ZNF704: variants seen among roughly 807,000 people sequenced by gnomAD.
The protein encoded by ZNF704 is zinc finger protein 704, also known as glucocorticoid induced gene 1.
In ZNF704, 10 loss-of-function variants were observed where a neutral mutation model predicts 44.7. The ratio of observed to expected loss-of-function variants is 0.22; its 90% CI spans 0.14 to 0.38. The LOEUF is 0.38. Ranked by LOEUF, ZNF704 falls within the 10% of genes least tolerant of loss-of-function variation. ZNF704 has a pLI of 1.00. For missense variants in ZNF704, 390 were observed against 545.5 expected, an observed-to-expected ratio of 0.71 and a Z score of 2.84; for synonymous variants, 211 against 207.6, an observed-to-expected ratio of 1.02 and a Z score of -0.14.
rs1008285678 is a variant in ZNF704, at chr8:80,747,740, C to T, written c.222-54633G>A. Among the ~76,000 whole-genome samples, 4 of 152,196 alleles carry T rather than the reference C, an allele frequency of 2.6e-5. No homozygotes were observed. In the South Asian group the frequency reaches 6.2e-4, roughly 24 times the overall value. ...TTTTTGTTTGTTTGTTTTTTTGAGA[C>T]GGAGTCTCGCTCGGTCGCCAGGCTG... On this transcript the variant is annotated intron_variant, in intron 2 of 8. Coordinates refer to ENST00000327835, the MANE Select transcript of ZNF704 (RefSeq NM_001033723.3).
rs577432069 is a variant in ZNF704, at chr8:80,699,483, ATT to A, written c.222-6378_222-6377del. On this transcript the variant is annotated intron_variant, in intron 2 of 8. Coordinates refer to ENST00000327835, the MANE Select transcript of ZNF704 (RefSeq NM_001033723.3). ...TGGCCTGGATCGAACAAGATGGAAA[ATT>A]AGAGTGAATACATCATAATACATAA... 1.8e-3 allele frequency among the ~76,000 whole-genome samples: 272 copies of A among 152,352 alleles called. 1 individual carries two copies. The highest frequency in any genetic ancestry group is 6.3e-3 in the African/African-American group (263 of 41,588).
intron 1 of ZNF704, among the ~76,000 whole-genome samples, chr8:80,864,499 C>T (rs1396276713): frequency 6.6e-6 from 1 of 152,076 alleles, no homozygotes; most frequent in Non-Finnish European, 1.5e-5. Flanking sequence ...TTCCAATTTC[C>T]TCTTTGTTTG....
chr8:80,772,460 C>A lies in ZNF704; in HGVS notation c.221+48914G>T, dbSNP rs529631835. ...GGTCTCAGGAAACTTACAATCATGG[C>A]GAAAGGGGAAGGGGAAGCAGGCACA... On this transcript the variant is annotated intron_variant, in intron 2 of 8. Coordinates refer to ENST00000327835, the MANE Select transcript of ZNF704 (RefSeq NM_001033723.3). Among the ~76,000 whole-genome samples, 2 of 151,814 alleles carry A rather than the reference C, an allele frequency of 1.3e-5. 1 individual carries two copies. The highest frequency in any genetic ancestry group is 4.2e-4 in the South Asian group (2 of 4,796).
At chr8:80,746,795 A>G (rs918564132) in intron 2 of ZNF704, among the ~76,000 whole-genome samples, 1 of 152,172 alleles carries the variant, frequency 6.6e-6, no homozygotes, top group Admixed American at 6.5e-5. Flanking sequence ...TGAGTCAAAG[A>G]AGGCTTCTTG....
At chr8:80,710,314 G>C (rs1425022517) in intron 2 of ZNF704, among the ~76,000 whole-genome samples, 1 of 152,108 alleles carries the variant, frequency 6.6e-6, no homozygotes, top group Non-Finnish European at 1.5e-5. Context: ...GTCAGCCACT[G>C]TTCAGCCTGT....
chr8:80,870,491 A>C (rs1221348197), intron 1 of ZNF704, among the ~76,000 whole-genome samples: 1 of 152,218 alleles, frequency 6.6e-6, no homozygotes, highest in African/African-American at 2.4e-5. Flanking sequence ...TATCTAATCC[A>C]AATGAACATC....
intron 2 of ZNF704, among the ~76,000 whole-genome samples, chr8:80,703,178 C>T (rs1033409982): frequency 6.6e-6 from 1 of 152,076 alleles, no homozygotes; most frequent in Non-Finnish European, 1.5e-5. Context: ...TCTTCCAACT[C>T]GTGAAAATTC....
chr8:80,650,700 C>G (rs371088189), intron 7 of ZNF704, among the ~76,000 whole-genome samples: 1 of 152,000 alleles, frequency 6.6e-6, no homozygotes, highest in African/African-American at 2.4e-5. Flanking sequence ...CTGGTGTACC[C>G]GAAAGTGACA....
intron 7 of ZNF704, among the ~76,000 whole-genome samples, chr8:80,658,259 GAATT>G (rs1304502939): frequency 6.6e-6 from 1 of 151,922 alleles, no homozygotes; most frequent in African/African-American, 2.4e-5. Context: ...TCAAAGGCAG[GAATT>G]AATAGGATGC....
chr8:80,811,411 T>C (rs1345746553), intron 2 of ZNF704, among the ~76,000 whole-genome samples: 1 of 152,226 alleles, frequency 6.6e-6, no homozygotes, highest in Non-Finnish European at 1.5e-5. Context: ...ATACCTTTTT[T>C]TTTGGTGACT....
At chr8:80,780,432 G>A (rs531696040) in intron 2 of ZNF704, among the ~76,000 whole-genome samples, 3 of 152,160 alleles carry the variant, frequency 2.0e-5, no homozygotes, top group African/African-American at 4.8e-5. Flanking sequence ...GGAGAACAGC[G>A]GCATGTGTAT....
intron 7 of ZNF704, chr8:80,645,012 C>A: frequency 8.2e-7 from 1 of 1,216,366 alleles, no homozygotes; most frequent in East Asian, 2.3e-5. Context: ...ATAATGGACC[C>A]ATCCCTGACT....
chr8:80,741,996 T>G (rs1224740106), intron 2 of ZNF704, among the ~76,000 whole-genome samples: 1 of 152,116 alleles, frequency 6.6e-6, no homozygotes, highest in African/African-American at 2.4e-5. Flanking sequence ...GCTTACCTAG[T>G]CCTCCATGCC....
At chr8:80,879,771 A>G (rs886243582), upstream of ZNF704, among the ~76,000 whole-genome samples, 14 of 152,116 alleles carry the variant, frequency 9.2e-5, no homozygotes, top group African/African-American at 3.4e-4. Flanking sequence ...CTTTCCACAA[A>G]CTGATAATTG....
chr8:80,653,529 C>A (rs865901861), intron 7 of ZNF704, among the ~76,000 whole-genome samples: 1 of 150,928 alleles, frequency 6.6e-6, no homozygotes, highest in Admixed American at 6.6e-5. Flanking sequence ...CAATTATAAG[C>A]ATTCTTAAAA....
At chr8:80,777,836 G>A (rs1451129722) in intron 2 of ZNF704, among the ~76,000 whole-genome samples, 2 of 149,316 alleles carry the variant, frequency 1.3e-5, no homozygotes, top group Admixed American at 6.7e-5. Flanking sequence ...CCGAGATCGC[G>A]CCACTGCACT....
intron 2 of ZNF704, among the ~76,000 whole-genome samples, chr8:80,749,854 T>C (rs1423720118): frequency 8.5e-5 from 13 of 152,194 alleles, no homozygotes. Context: ...ACACCTATGG[T>C]GTCAGTAACT....
intron 2 of ZNF704, among the ~76,000 whole-genome samples, chr8:80,799,137 C>T (rs1226785935): frequency 6.6e-6 from 1 of 152,188 alleles, no homozygotes; most frequent in Non-Finnish European, 1.5e-5. Context: ...AAACTGCCAT[C>T]TTGGGGATTA....
chr8:80,804,572 GA>G, intron 2 of ZNF704, among the ~76,000 whole-genome samples: 1 of 152,282 alleles, frequency 6.6e-6, no homozygotes, highest in Non-Finnish European at 1.5e-5. Flanking sequence ...ACTAATGCAG[GA>G]ACAGAAAACC....
Sources: gnomAD v4.1 joint callset for allele counts (sites outside exome capture counted in the v4.1 genomes callset) on GRCh38, gnomAD v4.1.1 for gene constraint, MANE v1.5 for transcripts, NCBI Gene and HGNC (gene_info 2026-07-23, HGNC 2026-07-21) for gene names.